COL6A1: variants seen among roughly 807,000 people sequenced by gnomAD.
The protein encoded by COL6A1 is collagen type VI alpha 1 chain.
In COL6A1, 80 loss-of-function variants were observed where a neutral mutation model predicts 145.6. The observed-to-expected ratio is 0.55, with a 90% CI of 0.46 to 0.66. The LOEUF is 0.66. Among genes scored for constraint, COL6A1 ranks in the 30% least tolerant of loss-of-function variants. The pLI is 0.00. For synonymous variants in COL6A1, 638 were observed against 622.8 expected, an observed-to-expected ratio of 1.02 and a Z score of -0.36; for missense variants, 1,364 against 1,473.8, an observed-to-expected ratio of 0.93 and a Z score of 1.22.
intron 20 of COL6A1, among the ~76,000 whole-genome samples, chr21:45,997,191 G>A (rs1027430118): frequency 7.7e-6 from 1 of 129,340 alleles, no homozygotes; most frequent in Admixed American, 7.7e-5. Flanking sequence ...GGGGGCCTGA[G>A]GCACCAGCTG....
Position 45,994,295 on chromosome 21 carries a change from C to G in COL6A1, c.1398+66C>G. ...GGTTTTGGGGGTAGAAGTGCTCCAG[C>G]AGCTCACGCACTGGGGGTCTGTTCA... On this transcript the variant is annotated intron_variant, in intron 20 of 34. Transcript: ENST00000361866. The surrounding 1 kb of genome is among the most constrained non-coding windows in gnomAD (Gnocchi z 6.8). 1.4e-6 allele frequency: 2 copies of G among 1,428,506 alleles called. No individual in the cohort carries two copies. Among genetic ancestry groups the G allele is most frequent in the South Asian group, 2.4e-5 (2 of 82,430 alleles). The allele number at this position is 1,428,506 out of a possible 1,614,324, so 88.5% of individuals were successfully genotyped here.
chr21:45,986,486 C>T, intron 3 of COL6A1, 40 bp from the exon 4 acceptor site: 2 of 1,547,904 alleles, frequency 1.3e-6, no homozygotes, highest in Non-Finnish European at 1.7e-6. Flanking sequence ...CCAGTTCCCC[C>T]ACCTAGTCTC....
In COL6A1 at chr21:46,003,167, C is replaced by T. The variant is rs754626987; in HGVS notation, c.2464+18C>T. ...CTGCCCCAGTGAGTACCTCGGCGGCCGGGACACGTGGGGAGGAGGGCACCG... is the reference window on the plus strand; with the variant it reads ...CTGCCCCAGTGAGTACCTCGGCGGCTGGGACACGTGGGGAGGAGGGCACCG... On this transcript the variant is annotated intron_variant, in intron 34 of 34. Coordinates refer to ENST00000361866, the MANE Select transcript of COL6A1 (RefSeq NM_001848.3). The T allele has an allele frequency of 1.7e-5, 28 of 1,613,824 alleles. 1 individual carries two copies. Among genetic ancestry groups the T allele is most frequent in the Admixed American group, 8.3e-5 (5 of 60,002 alleles).
At position 46,003,572 on chromosome 21, in the gene COL6A1, C is replaced by A; in HGVS notation, c.2646C>A (p.Gly882=). ...CGGTGGTGCAGTACAGCGGCACGGGCCAGCAGCGCCCAGAGCGGGCGTCGC... is the reference window on the plus strand; with the variant it reads ...CGGTGGTGCAGTACAGCGGCACGGGACAGCAGCGCCCAGAGCGGGCGTCGC... The part of the protein sequence containing the change: ...RVAVVQYSGT[G]QQRPERASLQ... The change falls in exon 35 of 35, where the codon GGC becomes GGA. Residue 882 remains glycine, a synonymous_variant. Coordinates refer to ENST00000361866, the MANE Select transcript of COL6A1 (RefSeq NM_001848.3). 6.2e-7 allele frequency: 1 copy of A among 1,612,632 alleles called. No homozygotes were observed. The highest frequency in any genetic ancestry group is 8.5e-7 in the Non-Finnish European group (1 of 1,179,740).
chr21:45,989,894 A>T, intron 11 of COL6A1, 116 bp downstream of exon 11: 1 of 1,330,068 alleles, frequency 7.5e-7, no homozygotes, highest in Non-Finnish European at 1.1e-6. Context: ...TGTCCTGCAG[A>T]CCCGCTCCAC....
intron 30 of COL6A1, among the ~76,000 whole-genome samples, 162 bp from the exon 31 acceptor site, chr21:46,001,799 G>T (rs2077847087): frequency 6.6e-6 from 1 of 151,452 alleles, no homozygotes; most frequent in Non-Finnish European, 1.5e-5. Flanking sequence ...CGGGGGCTGT[G>T]CCACCCTCTG....
At position 45,984,254 on chromosome 21, in the gene COL6A1, G is replaced by T; in HGVS notation, c.228-15G>T. 6.3e-7 allele frequency: 1 copy of T among 1,599,258 alleles called. No homozygotes were observed. The highest frequency in any genetic ancestry group is 8.5e-7 in the Non-Finnish European group (1 of 1,173,748). On this transcript the variant is annotated splice_polypyrimidine_tract_variant and intron_variant, in intron 2 of 34. Transcript: ENST00000361866. ...GGGCCGCCCGCCTCACGCCCGCCGTGCCTGTTCCTGGCAGGTACTACCGCT... is the reference window on the plus strand; with the variant it reads ...GGGCCGCCCGCCTCACGCCCGCCGTTCCTGTTCCTGGCAGGTACTACCGCT...
At position 46,002,272 on chromosome 21, in the gene COL6A1, G is replaced by A. The variant is rs1440964697; in HGVS notation, c.2121G>A (p.Leu707=). 2 of 1,599,996 alleles carry A rather than the reference G, an allele frequency of 1.3e-6. No homozygotes were observed. The highest frequency in any genetic ancestry group is 1.1e-5 in the South Asian group (1 of 89,396). ...GCGGCACCTTCACGGGGGAGGCCCT[G>A]CAGTACACGCGGGACCAGCTGCTGC... is the stretch of plus-strand genomic sequence containing the variant. ...MAGGTFTGEA[L]QYTRDQLLPP... Residue 707 remains leucine, a synonymous_variant, in exon 32 of 35, where the codon CTG becomes CTA. Transcript: ENST00000361866.
Position 45,994,210 on chromosome 21 carries a change from T to C in COL6A1, c.1379T>C (p.Val460Ala), listed in dbSNP as rs140735590. ...GGTGATCAGGGAAGAGAAGGCCCCG[T>C]TGGTGTCCCTGGAGACCCGGTAGGA... Reference protein sequence around the residue: ...PQGDQGREGPVGVPGDPGEAG... With the variant: ...PQGDQGREGPAGVPGDPGEAG... The change falls in exon 20 of 35, where the codon GTT becomes GCT. Residue 460 changes from valine (V) to alanine (A), a missense_variant. Physicochemically the swap from Val to Ala is moderately conservative, Grantham distance 64. Transcript: ENST00000361866. The surrounding 1 kb of genome is among the most constrained non-coding windows in gnomAD (Gnocchi z 6.8). 65 of 1,609,530 alleles carry C rather than the reference T, an allele frequency of 4.0e-5. No homozygotes were observed. In the African/African-American group the frequency reaches 7.5e-4, roughly 18 times the overall value.
rs2077868088 is a variant in COL6A1 at position 46,004,263 on chromosome 21, G to A, written c.*250G>A. 1.7e-6 allele frequency: 1 copy of A among 579,892 alleles called. No individual in the cohort carries two copies. Among genetic ancestry groups the A allele is most frequent in the Non-Finnish European group, 3.1e-6 (1 of 327,228 alleles). 35.9% of individuals were successfully genotyped at this position (579,892 alleles called of 1,614,324 possible). A position where few individuals can be genotyped will look rare whatever the true frequency, so the allele number is the denominator to read the frequency against. On this transcript the variant is annotated 3_prime_UTR_variant, in exon 35 of 35. Transcript: ENST00000361866. ...GCCCTGAGCTAGTGTCACCTGCACA[G>A]GGCCCTCTGAGGCTCAGCCCTGAGC...
rs183797616 is a variant in COL6A1 at position 45,992,284 on chromosome 21, G to A, written c.1236+67G>A. ...CCTCAGCTTCTGATCCTCTTTGCTC[G>A]GGGTCTACTCCACGTCCCTGAGACC... is the stretch of plus-strand genomic sequence containing the variant. On this transcript the variant is annotated intron_variant, in intron 17 of 34. Coordinates refer to ENST00000361866, the MANE Select transcript of COL6A1 (RefSeq NM_001848.3). 482 of 1,613,298 alleles carry A rather than the reference G, an allele frequency of 3.0e-4. 3 individuals carry two copies. In the East Asian group the frequency reaches 7.3e-3, roughly 25 times the overall value.
rs1569517971 is a variant in COL6A1, at chr21:45,987,793, GGTCCAGATGGAGGGGACGGCGGGA to G, written c.804+156_804+179del. The G allele has an allele frequency of 2.8e-4, 135 of 484,648 alleles. 4 individuals are homozygous for G. In the East Asian group the frequency reaches 5.0e-3, roughly 18 times the overall value. The allele number at this position is 484,648 out of a possible 1,614,324, so 30.0% of individuals were successfully genotyped here. ...GGGTCCAGATGGAGGGGACGGCGGG[GGTCCAGATGGAGGGGACGGCGGGA>G]GTCCAGATGGAGGGGATGGCGGGGT... On this transcript the variant is annotated intron_variant, in intron 8 of 34. Transcript: ENST00000361866.
At chr21:45,991,425 G>A (rs563037324) in intron 15 of COL6A1, among the ~76,000 whole-genome samples, 5 of 151,862 alleles carry the variant, frequency 3.3e-5, no homozygotes, top group African/African-American at 9.7e-5. Context: ...GCGAGTGGGC[G>A]GGAGGGTGGT....
In COL6A1 at chr21:45,987,505, TC is replaced by T. The variant is rs2077746488; in HGVS notation, c.747del (p.Phe250SerfsTer51). On this transcript the variant is annotated frameshift_variant, in exon 7 of 35. Coordinates refer to ENST00000361866, the MANE Select transcript of COL6A1 (RefSeq NM_001848.3). LOFTEE classifies it high-confidence loss of function. ...IKNNVEQVCC[S>X]FECQPARGPP... is the part of the protein sequence containing the mutation. ...CCATGCTTTCCCCCCACAGTGCTGC[TC>T]CTTCGAATGCCAGGTGAGTGTGCCC... is the stretch of plus-strand genomic sequence containing the variant. 1 of 1,612,878 alleles carries T rather than the reference TC, an allele frequency of 6.2e-7. No individual in the cohort carries two copies. The highest frequency in any genetic ancestry group is 8.5e-7 in the Non-Finnish European group (1 of 1,179,996).
chr21:45,982,767 G>A lies in COL6A1; in HGVS notation c.227+4G>A. ...TCATCGACAACCTGAGGGACAGGTA[G>A]GAGGGACGCCCCGTGACCTTCCTCC... On this transcript the variant is annotated splice_donor_region_variant and intron_variant, in intron 2 of 34. Transcript: ENST00000361866. 1 of 1,612,036 alleles carries A rather than the reference G, an allele frequency of 6.2e-7. No homozygotes were observed. Among genetic ancestry groups the A allele is most frequent in the Non-Finnish European group, 8.5e-7 (1 of 1,179,924 alleles).
At chr21:45,983,026 C>T (rs2077717300) in intron 2 of COL6A1, among the ~76,000 whole-genome samples, 1 of 149,324 alleles carries the variant, frequency 6.7e-6, no homozygotes, top group Admixed American at 6.6e-5. Context: ...GGCACCTGTT[C>T]AGCAGGGCCG....
Position 46,002,266 on chromosome 21 carries a change from G to A in COL6A1, c.2115G>A (p.Glu705=). 6.2e-7 allele frequency: 1 copy of A among 1,601,890 alleles called. No individual in the cohort carries two copies. Among genetic ancestry groups the A allele is most frequent in the East Asian group, 2.3e-5 (1 of 44,424 alleles). The change falls in exon 32 of 35, where the codon GAG becomes GAA. Residue 705 remains glutamate (E), a synonymous_variant. Coordinates refer to ENST00000361866, the MANE Select transcript of COL6A1 (RefSeq NM_001848.3). ...QWMAGGTFTG[E]ALQYTRDQLL... is the part of the protein sequence containing the mutation. Reference sequence around the variant, plus strand: ...TGGCGGGCGGCACCTTCACGGGGGAGGCCCTGCAGTACACGCGGGACCAGC... The same window carrying A: ...TGGCGGGCGGCACCTTCACGGGGGAAGCCCTGCAGTACACGCGGGACCAGC...
chr21:46,004,829 C>T lies in COL6A1; in HGVS notation c.*816C>T. ...TAACCCCGTCTGCTCCTCCCTCCCG[C>T]AGAGACTGGGGCCTGGACTGGACAT... is the stretch of plus-strand genomic sequence containing the variant. On this transcript the variant is annotated 3_prime_UTR_variant, in exon 35 of 35. Transcript: ENST00000361866. The T allele has an allele frequency of 3.3e-6, 1 of 304,832 alleles. No individual in the cohort carries two copies. Among genetic ancestry groups the T allele is most frequent in the Non-Finnish European group, 7.0e-6 (1 of 142,188 alleles). The allele number at this position is 304,832 out of a possible 1,614,324, so 18.9% of individuals were successfully genotyped here.
In COL6A1 at chr21:45,992,884, C is replaced by T. The variant is rs1168600068; in HGVS notation, c.1335+74C>T. 5 of 1,348,194 alleles carry T rather than the reference C, an allele frequency of 3.7e-6. No homozygotes were observed. The Admixed American group carries it at 9.9e-5, about 27-fold the overall frequency. The allele number at this position is 1,348,194 out of a possible 1,614,324, so 83.5% of individuals were successfully genotyped here. On this transcript the variant is annotated intron_variant, in intron 19 of 34. Coordinates refer to ENST00000361866, the MANE Select transcript of COL6A1 (RefSeq NM_001848.3). ...GGAGGCTGGGGCTGGGTCAGGCCTCCAGAGCCACAGGACACATCATGAAGC... is the reference window on the plus strand; with the variant it reads ...GGAGGCTGGGGCTGGGTCAGGCCTCTAGAGCCACAGGACACATCATGAAGC...
Sources: allele counts gnomAD v4.1 joint callset (sites outside exome capture counted in the v4.1 genomes callset), GRCh38; gene constraint gnomAD v4.1.1; non-coding constraint Gnocchi (gnomAD v3.1); transcripts MANE v1.5; gene names NCBI Gene and HGNC (gene_info 2026-07-23, HGNC 2026-07-21).